USP32: variants seen among roughly 807,000 people sequenced by gnomAD.
USP32 encodes ubiquitin specific peptidase 32, also known as ubiquitin carboxyl-terminal hydrolase 32.
In USP32, 59 loss-of-function variants were observed where a neutral mutation model predicts 204.8. The observed-to-expected ratio is 0.29, with a 90% CI of 0.23 to 0.36. The LOEUF (loss-of-function observed/expected upper bound fraction) is 0.36, where lower values mean the gene tolerates loss of function less well. Among genes scored for constraint, USP32 ranks in the 10% least tolerant of loss-of-function variants. The pLI is 1.00. For missense variants in USP32, 1,160 were observed against 1,946.4 expected, an observed-to-expected ratio of 0.60 and a Z score of 7.60; for synonymous variants, 517 against 678.4, an observed-to-expected ratio of 0.76 and a Z score of 3.70.
chr17:60,372,269 C>A (rs1163315264), intron 1 of USP32, among the ~76,000 whole-genome samples: 2 of 152,178 alleles, frequency 1.3e-5, no homozygotes, highest in Non-Finnish European at 2.9e-5. Flanking sequence ...CCTGGTCAAG[C>A]TATTAACACT....
intron 5 of USP32, among the ~76,000 whole-genome samples, chr17:60,278,152 C>G (rs1264917989): frequency 2.0e-5 from 3 of 152,060 alleles, no homozygotes; most frequent in African/African-American, 4.8e-5. Context: ...GAGCCTCCTA[C>G]CACAGCCTTC....
In USP32 at chr17:60,280,079, A is replaced by T. The variant is rs573077318; in HGVS notation, c.571+8444T>A. Among the ~76,000 whole-genome samples, 3 of 151,860 alleles carry T rather than the reference A, an allele frequency of 2.0e-5. No individual in the cohort carries two copies. In the South Asian group the frequency reaches 6.3e-4, roughly 32 times the overall value. On this transcript the variant is annotated intron_variant, in intron 5 of 33. Transcript: ENST00000300896. Reference sequence around the variant, plus strand: ...ATGACAAAATCTAAAATCTTGGGTAAATTGAGTAAGTTATTATTATTATTA... The same window carrying T: ...ATGACAAAATCTAAAATCTTGGGTATATTGAGTAAGTTATTATTATTATTA...
rs200252048 is a variant in USP32 at position 60,223,592 on chromosome 17, A to T, written c.1433-6T>A. The T allele has an allele frequency of 3.2e-4, 496 of 1,573,520 alleles. No individual in the cohort carries two copies. In the African/African-American group the frequency reaches 5.8e-3, roughly 18 times the overall value. ...TGTGGCAGAATACAGAAAGCCTATA[A>T]AAAAAAAAGAGGATAGAATCTCTTA... On this transcript the variant is annotated splice_polypyrimidine_tract_variant and splice_region_variant and intron_variant, in intron 13 of 33. Transcript: ENST00000300896.
At chr17:60,270,309 G>A (rs2145784976) in intron 6 of USP32, among the ~76,000 whole-genome samples, 1 of 152,254 alleles carries the variant, frequency 6.6e-6, no homozygotes, top group South Asian at 2.1e-4. Flanking sequence ...AAGTACTTCC[G>A]AAGTACTCTA....
intron 1 of USP32, among the ~76,000 whole-genome samples, chr17:60,412,169 A>T (rs571036580): frequency 1.3e-5 from 2 of 152,186 alleles, no homozygotes; most frequent in African/African-American, 2.4e-5. Flanking sequence ...TATTTTCCAA[A>T]TTTGCCCGAT....
chr17:60,181,177 C>T (rs2084101597), intron 32 of USP32, 147 bp downstream of exon 32: 2 of 1,106,276 alleles, frequency 1.8e-6, no homozygotes, highest in Non-Finnish European at 2.6e-6. Flanking sequence ...CCTGGGCAGG[C>T]CAAGATTTCT....
At chr17:60,216,480 C>A (rs1159312608) in intron 16 of USP32, among the ~76,000 whole-genome samples, 2 of 152,128 alleles carry the variant, frequency 1.3e-5, no homozygotes, top group African/African-American at 4.8e-5. Flanking sequence ...GAGTTAGCTT[C>A]TTTCTTCCTG....
intron 3 of USP32, among the ~76,000 whole-genome samples, chr17:60,299,549 A>AC (rs1158430576): frequency 6.6e-6 from 1 of 152,166 alleles, no homozygotes; most frequent in Non-Finnish European, 1.5e-5. Flanking sequence ...ATGGGTGTGG[A>AC]CCCCTCATGA....
intron 2 of USP32, among the ~76,000 whole-genome samples, chr17:60,312,434 C>T (rs2087875485): frequency 6.6e-6 from 1 of 151,686 alleles, no homozygotes; most frequent in Non-Finnish European, 1.5e-5. Context: ...TTGTCGTTGT[C>T]GTTGTTGTTG....
chr17:60,208,241 A>C, intron 23 of USP32, 31 bp from the exon 24 acceptor site: 1 of 1,562,628 alleles, frequency 6.4e-7, no homozygotes, highest in Non-Finnish European at 8.7e-7. Flanking sequence ...TTTATTGGTA[A>C]AATGCAGGTT....
intron 13 of USP32, 82 bp downstream of exon 13, chr17:60,225,957 A>G: frequency 2.5e-6 from 3 of 1,193,668 alleles, no homozygotes; most frequent in Non-Finnish European, 3.2e-6. Flanking sequence ...AGTCTCAAAA[A>G]AAAAAAAAAA....
intron 7 of USP32, 37 bp from the exon 8 acceptor site, chr17:60,266,128 T>G: frequency 1.3e-6 from 2 of 1,519,096 alleles, no homozygotes; most frequent in Non-Finnish European, 1.8e-6. Flanking sequence ...AAAATCATTT[T>G]TGTATTCTGA....
chr17:60,391,495 T>G (rs1598312285), intron 1 of USP32, among the ~76,000 whole-genome samples: 1 of 151,956 alleles, frequency 6.6e-6, no homozygotes, highest in Non-Finnish European at 1.5e-5. Context: ...GGTTAGGATG[T>G]TATTTGAGGT....
intron 1 of USP32, among the ~76,000 whole-genome samples, chr17:60,353,614 A>G (rs890896235): frequency 6.6e-6 from 1 of 152,080 alleles, no homozygotes; most frequent in African/African-American, 2.4e-5. Context: ...GGTGGTGCAC[A>G]CCTGTAATCC....
Position 60,225,966 on chromosome 17 carries a change from A to AAG in USP32, c.1432+72_1432+73insCT, listed in dbSNP as rs1555592791. On this transcript the variant is annotated intron_variant, in intron 13 of 33. Coordinates refer to ENST00000300896, the MANE Select transcript of USP32 (RefSeq NM_032582.4). ...AAACTCAGTCTCAAAAAAAAAAAAAAAAAAGAAAAGAAAAGAAAGACCTAT... is the reference window on the plus strand; with the variant it reads ...AAACTCAGTCTCAAAAAAAAAAAAAAAGAAAAGAAAAGAAAAGAAAGACCTAT... 3.5e-6 allele frequency: 5 copies of AAG among 1,436,504 alleles called. No homozygotes were observed. In the Middle Eastern group the frequency reaches 7.6e-4, roughly 218 times the overall value. The allele number at this position is 1,436,504 out of a possible 1,614,324, so 89.0% of individuals were successfully genotyped here. A position where few individuals can be genotyped will look rare whatever the true frequency, so the allele number is the denominator to read the frequency against.
At chr17:60,249,555 T>C in intron 11 of USP32, 1 of 547,202 alleles carries the variant, frequency 1.8e-6, no homozygotes, top group Non-Finnish European at 3.2e-6. Context: ...TATTTTATTA[T>C]CCTTGGACAG....
intron 1 of USP32, among the ~76,000 whole-genome samples, chr17:60,410,036 A>T (rs1235169515): frequency 2.0e-5 from 3 of 152,194 alleles, no homozygotes; most frequent in Admixed American, 6.5e-5. Context: ...TTGAAAAACT[A>T]ACAAACTAGC....
chr17:60,259,839 T>C (rs893343228), intron 9 of USP32, among the ~76,000 whole-genome samples: 5 of 152,218 alleles, frequency 3.3e-5, no homozygotes, highest in Non-Finnish European at 7.3e-5. Context: ...CTTAGATCTG[T>C]TTATAGTTCA....
At chr17:60,364,885 C>A (rs1042276065) in intron 1 of USP32, among the ~76,000 whole-genome samples, 2 of 152,044 alleles carry the variant, frequency 1.3e-5, no homozygotes, top group African/African-American at 4.8e-5. Flanking sequence ...CAAGTCAAAC[C>A]TTATATTTTA....
Sources: gnomAD v4.1 joint callset for allele counts (sites outside exome capture counted in the v4.1 genomes callset) on GRCh38, gnomAD v4.1.1 for gene constraint, MANE v1.5 for transcripts, NCBI Gene and HGNC (gene_info 2026-07-23, HGNC 2026-07-21) for gene names.